Variants in STXBP5L observed in about 807,000 individuals in gnomAD.
STXBP5L encodes the protein syntaxin binding protein 5L, also known as syntaxin-binding protein 5-like.
In STXBP5L, 65 loss-of-function variants were observed where a neutral mutation model predicts 144.5. The ratio of observed to expected loss-of-function variants is 0.45; its 90% CI spans 0.37 to 0.55. The LOEUF is 0.55. STXBP5L is among the 20% of genes least tolerant of loss of function. The pLI, the probability that STXBP5L is intolerant of heterozygous loss-of-function variation, is 0.00. For missense variants in STXBP5L, 1,298 were observed against 1,405.5 expected, an observed-to-expected ratio of 0.92 and a Z score of 1.22; for synonymous variants, 505 against 469.6, an observed-to-expected ratio of 1.08 and a Z score of -0.97.
At chr3:121,062,512 G>A (rs2041333243) in intron 5 of STXBP5L, among the ~76,000 whole-genome samples, 1 of 152,230 alleles carries the variant, frequency 6.6e-6, no homozygotes, top group Admixed American at 6.5e-5. Context: ...TATCTTTGTG[G>A]TATTCTGTGT....
intron 19 of STXBP5L, among the ~76,000 whole-genome samples, chr3:121,317,880 A>G (rs986087998): frequency 2.0e-5 from 3 of 152,080 alleles, no homozygotes; most frequent in Non-Finnish European, 1.5e-5. Flanking sequence ...CTACATTTTT[A>G]TAAATAAATA....
intron 3 of STXBP5L, among the ~76,000 whole-genome samples, chr3:120,987,625 T>C (rs1377041292): frequency 6.6e-6 from 1 of 151,930 alleles, no homozygotes; most frequent in Non-Finnish European, 1.5e-5. Flanking sequence ...ATCAGTTTTT[T>C]AAAAAATAGA....
chr3:121,118,885 A>G (rs1299890989), intron 6 of STXBP5L, among the ~76,000 whole-genome samples: 3 of 151,546 alleles, frequency 2.0e-5, no homozygotes, highest in African/African-American at 4.8e-5. Flanking sequence ...AATAAGTTCA[A>G]TTTTAGCTCC....
intron 9 of STXBP5L, among the ~76,000 whole-genome samples, chr3:121,196,889 C>T (rs1054412453): frequency 1.3e-5 from 2 of 151,994 alleles, no homozygotes; most frequent in Admixed American, 1.3e-4. Flanking sequence ...ACCTATGTTG[C>T]CCAGTCTGGT....
At position 121,420,099 on chromosome 3, in the gene STXBP5L, C is replaced by T. The variant is rs2047324152; in HGVS notation, c.*1002C>T. 6.6e-6 allele frequency: 1 copy of T among 152,194 alleles called. No homozygotes were observed. The allele number at this position is 152,194 out of a possible 1,614,324, so 9.4% of individuals were successfully genotyped here. A position where few individuals can be genotyped will look rare whatever the true frequency, so the allele number is the denominator to read the frequency against. ...GTTCAAACCCAGTAGGGTCTGCAAT[C>T]GAAAGGTGCTCTTGCAGCCTGACAT... On this transcript the variant is annotated 3_prime_UTR_variant, in exon 27 of 27. Coordinates refer to ENST00000471454, the MANE Select transcript of STXBP5L (RefSeq NM_001308330.2).
At chr3:121,298,956 G>C (rs2108484461) in intron 19 of STXBP5L, among the ~76,000 whole-genome samples, 1 of 152,278 alleles carries the variant, frequency 6.6e-6, no homozygotes, top group Non-Finnish European at 1.5e-5. Context: ...TATATGTAGA[G>C]TTAAGTGTCT....
Position 121,422,976 on chromosome 3 carries a change from T to A in STXBP5L, c.*3879T>A, listed in dbSNP as rs1187626115. 1.3e-5 allele frequency: 2 copies of A among 152,046 alleles called. No homozygotes were observed. The highest frequency in any genetic ancestry group is 3.9e-4 in the East Asian group (2 of 5,176). 9.4% of individuals were successfully genotyped at this position (152,046 alleles called of 1,614,324 possible). A position where few individuals can be genotyped will look rare whatever the true frequency, so the allele number is the denominator to read the frequency against. ...AGAAGATTAAAATAGATTCTTATAT[T>A]CAAGCAGAAGGGAAAAATGAAGCCA... On this transcript the variant is annotated 3_prime_UTR_variant, in exon 27 of 27. Transcript: ENST00000471454.
At chr3:121,387,553 C>A (rs1024516166) in intron 22 of STXBP5L, among the ~76,000 whole-genome samples, 1 of 152,178 alleles carries the variant, frequency 6.6e-6, no homozygotes, top group Non-Finnish European at 1.5e-5. Context: ...ACATTTAAGT[C>A]TTTAATCCAT....
chr3:121,009,623 G>T (rs528105580), intron 3 of STXBP5L, among the ~76,000 whole-genome samples: 1 of 151,900 alleles, frequency 6.6e-6, no homozygotes, highest in Non-Finnish European at 1.5e-5. Context: ...ACACCTACAT[G>T]TTCATAGCTA....
intron 3 of STXBP5L, among the ~76,000 whole-genome samples, chr3:121,032,302 G>T (rs1434815240): frequency 1.3e-5 from 2 of 149,986 alleles, no homozygotes; most frequent in Non-Finnish European, 3.0e-5. Flanking sequence ...GCCAAAGGAA[G>T]AAGAATGTAT....
chr3:120,920,002 T>C (rs1344211447), intron 2 of STXBP5L, among the ~76,000 whole-genome samples: 1 of 151,848 alleles, frequency 6.6e-6, no homozygotes, highest in African/African-American at 2.4e-5. Flanking sequence ...GTCCTTAGCC[T>C]ATGTTAATTT....
chr3:121,051,293 G>A (rs1947969669), intron 5 of STXBP5L, among the ~76,000 whole-genome samples: 1 of 151,902 alleles, frequency 6.6e-6, no homozygotes, highest in Non-Finnish European at 1.5e-5. Flanking sequence ...TTTTTTTTCA[G>A]CACCACACCA....
At chr3:121,248,981 T>G (rs1224557772) in intron 14 of STXBP5L, among the ~76,000 whole-genome samples, 1 of 152,184 alleles carries the variant, frequency 6.6e-6, no homozygotes, top group Non-Finnish European at 1.5e-5. Context: ...CTCAGTTTTC[T>G]CTTCTGTTCC....
intron 11 of STXBP5L, among the ~76,000 whole-genome samples, chr3:121,225,442 C>T (rs111742582): frequency 2.0e-5 from 3 of 152,154 alleles, no homozygotes; most frequent in Admixed American, 1.3e-4. Flanking sequence ...TATTATTTCA[C>T]CCTTTTTGGG....
intron 2 of STXBP5L, among the ~76,000 whole-genome samples, chr3:120,911,682 A>G (rs991157014): frequency 6.6e-6 from 1 of 152,104 alleles, no homozygotes; most frequent in Non-Finnish European, 1.5e-5. Context: ...ATATTAGCTT[A>G]TGATTTCCAA....
At chr3:121,058,677 G>A (rs1018640858) in intron 5 of STXBP5L, among the ~76,000 whole-genome samples, 54 of 152,178 alleles carry the variant, frequency 3.5e-4, no homozygotes, top group African/African-American at 1.0e-3. Flanking sequence ...TCTAACTGGC[G>A]TGAGATGGTA....
chr3:121,359,988 AAT>A (rs1023730161), intron 20 of STXBP5L, among the ~76,000 whole-genome samples: 2 of 145,394 alleles, frequency 1.4e-5, no homozygotes, highest in Admixed American at 7.0e-5. Context: ...TAATATATAT[AAT>A]ATATATATTA....
At chr3:121,233,557 T>A in intron 11 of STXBP5L, 59 bp from the exon 12 acceptor site, 1 of 1,308,892 alleles carries the variant, frequency 7.6e-7, no homozygotes, top group Non-Finnish European at 1.1e-6. Context: ...AAATGCAATT[T>A]TGCTGATTTT....
intron 3 of STXBP5L, among the ~76,000 whole-genome samples, chr3:121,036,415 A>C (rs1301359453): frequency 6.6e-6 from 1 of 152,024 alleles, no homozygotes; most frequent in Non-Finnish European, 1.5e-5. Context: ...TTCCTATATA[A>C]ATTTGATGTT....
Sources: allele counts gnomAD v4.1 joint callset (sites outside exome capture counted in the v4.1 genomes callset), GRCh38; gene constraint gnomAD v4.1.1; transcripts MANE v1.5; gene names NCBI Gene and HGNC (gene_info 2026-07-23, HGNC 2026-07-21).